The following ANO10 variants were observed in gnomAD, a reference collection of about 807,000 sequenced individuals.
The protein encoded by ANO10 is anoctamin 10, also known as anoctamin-10.
In ANO10, 77 loss-of-function variants were observed where a neutral mutation model predicts 74.7. The observed-to-expected ratio is 1.03, with a 90% CI of 0.86 to 1.25. The LOEUF (loss-of-function observed/expected upper bound fraction) is 1.25, where lower values mean the gene tolerates loss of function less well. Ranked by LOEUF, ANO10 falls within the 50% of genes most tolerant of loss-of-function variation. The pLI, the probability that ANO10 is intolerant of heterozygous loss-of-function variation, is 0.00. For missense variants in ANO10, 721 were observed against 778.1 expected, an observed-to-expected ratio of 0.93 and a Z score of 0.87; for synonymous variants, 279 against 284.9, an observed-to-expected ratio of 0.98 and a Z score of 0.21.
chr3:43,625,395 G>T (rs2083482395), upstream of ANO10, among the ~76,000 whole-genome samples: 1 of 152,156 alleles, frequency 6.6e-6, no homozygotes, highest in Non-Finnish European at 1.5e-5. Context: ...CTTTCTTCAG[G>T]CTTTGAGTTC....
At chr3:43,390,583 C>T (rs1376373396) in intron 12 of ANO10, among the ~76,000 whole-genome samples, 1 of 152,212 alleles carries the variant, frequency 6.6e-6, no homozygotes, top group African/African-American at 2.4e-5. Context: ...GGGCTGCACC[C>T]CATGAGCAGA....
chr3:43,648,419 G>A (rs542669289), intron 1 of ANO10, among the ~76,000 whole-genome samples: 2 of 152,254 alleles, frequency 1.3e-5, no homozygotes, highest in Admixed American at 6.5e-5. Context: ...AGAAAGTAGA[G>A]GAATAAAATA....
chr3:43,453,240 G>A (rs984983006), intron 11 of ANO10, among the ~76,000 whole-genome samples: 5 of 147,850 alleles, frequency 3.4e-5, no homozygotes, highest in Admixed American at 2.0e-4. Flanking sequence ...GTGCAGTGGC[G>A]TGATCTTGGC....
rs1041125709 is a variant in ANO10 at position 43,433,363 on chromosome 3, C to T, written c.1798-636G>A. 3.9e-5 allele frequency among the ~76,000 whole-genome samples: 6 copies of T among 152,058 alleles called. No individual in the cohort carries two copies. In the East Asian group the frequency reaches 9.6e-4, roughly 24 times the overall value. Reference sequence around the variant, plus strand: ...TCTTCCACAAACTCTTTTCTAGAAACGCATCTTAGTATACAATATTTGTTG... The same window carrying T: ...TCTTCCACAAACTCTTTTCTAGAAATGCATCTTAGTATACAATATTTGTTG... On this transcript the variant is annotated intron_variant, in intron 11 of 12. Coordinates refer to ENST00000292246, the MANE Select transcript of ANO10 (RefSeq NM_018075.5).
chr3:43,454,061 G>C (rs2075014673), intron 11 of ANO10, among the ~76,000 whole-genome samples: 2 of 152,188 alleles, frequency 1.3e-5, no homozygotes, highest in Admixed American at 6.5e-5. Flanking sequence ...ATGTAGACAG[G>C]ATAGCCAGGG....
chr3:43,552,586 CT>C (rs2079517674), intron 10 of ANO10, among the ~76,000 whole-genome samples: 1 of 151,256 alleles, frequency 6.6e-6, no homozygotes, highest in Non-Finnish European at 1.5e-5. Flanking sequence ...GTTAAGAGAA[CT>C]TCCTATAGCT....
intron 1 of ANO10, among the ~76,000 whole-genome samples, chr3:43,680,972 A>T (rs1166088864): frequency 6.6e-6 from 1 of 152,236 alleles, no homozygotes; most frequent in African/African-American, 2.4e-5. Flanking sequence ...CGCTGCAAAA[A>T]CATGCCAAAT....
rs559662869 is a variant in ANO10, at chr3:43,584,305, A to T, written c.473-3833T>A. Among the ~76,000 whole-genome samples, 6 of 152,302 alleles carry T rather than the reference A, an allele frequency of 3.9e-5. No homozygotes were observed. The South Asian group carries it at 1.0e-3, about 26-fold the overall frequency. ...TAGCCCAAGGTAAACATCCAGAGTG[A>T]CTCAGCAAGTTTAGAGCACAGGCAT... On this transcript the variant is annotated intron_variant, in intron 4 of 12. Transcript: ENST00000292246.
rs149870507 is a variant in ANO10, at chr3:43,485,170, G to C, written c.1798-52443C>G. 541 of 725,728 alleles carry C rather than the reference G, an allele frequency of 7.5e-4. 4 individuals carry two copies. The African/African-American group carries it at 8.2e-3, about 11-fold the overall frequency. 45.0% of individuals were successfully genotyped at this position (725,728 alleles called of 1,614,324 possible). On this transcript the variant is annotated intron_variant, in intron 11 of 12. Transcript: ENST00000292246. ...GAGTGGGCCCTGGCGCGGTAGCACT[G>C]GGTGACAGCGCCTGCGGTGGTCAGG... is the stretch of plus-strand genomic sequence containing the variant.
At chr3:43,445,053 G>A (rs1358949990) in intron 11 of ANO10, among the ~76,000 whole-genome samples, 5 of 149,286 alleles carry the variant, frequency 3.3e-5, no homozygotes, top group African/African-American at 4.9e-5. Context: ...AACCCGGGAG[G>A]AGGAGCTTGC....
chr3:43,598,777 G>C (rs983696371), intron 3 of ANO10, 111 bp from the exon 4 acceptor site: 1 of 830,950 alleles, frequency 1.2e-6, no homozygotes, highest in Non-Finnish European at 1.8e-6. Context: ...AACATAAGAA[G>C]TAATCAAAGT....
At chr3:43,395,794 A>G (rs2092366967) in intron 12 of ANO10, among the ~76,000 whole-genome samples, 1 of 151,384 alleles carries the variant, frequency 6.6e-6, no homozygotes, top group Non-Finnish European at 1.5e-5. Flanking sequence ...GCCTACTTAG[A>G]TTCTTATTGG....
intron 1 of ANO10, among the ~76,000 whole-genome samples, chr3:43,669,914 C>T (rs566929024): frequency 6.6e-5 from 10 of 152,078 alleles, no homozygotes; most frequent in Admixed American, 3.9e-4. Context: ...TTAGTAGAGA[C>T]GGGGTTTCAC....
intron 10 of ANO10, among the ~76,000 whole-genome samples, chr3:43,554,316 C>T (rs79727788): frequency 0.024 from 3,575 of 151,858 alleles, 141 homozygotes; most frequent in African/African-American, 0.081. Flanking sequence ...GCCTCAGCCT[C>T]CTGAGTAGCT....
At chr3:43,598,327 C>T (rs923841670) in intron 4 of ANO10, among the ~76,000 whole-genome samples, 1 of 151,950 alleles carries the variant, frequency 6.6e-6, no homozygotes, top group African/African-American at 2.4e-5. Flanking sequence ...TGGTATGAGA[C>T]CTTGATAAAT....
intron 11 of ANO10, among the ~76,000 whole-genome samples, chr3:43,546,515 C>T (rs1159846903): frequency 1.3e-5 from 2 of 152,016 alleles, no homozygotes. Flanking sequence ...GCCAAGACCA[C>T]GCATTAGAGA....
rs1371889013 is a variant in ANO10, at chr3:43,642,741, A to G, written c.-11-36878T>C. Among the ~76,000 whole-genome samples, 17 of 152,156 alleles carry G rather than the reference A, an allele frequency of 1.1e-4. No homozygotes were observed. The East Asian group carries it at 3.3e-3, about 29-fold the overall frequency. ...TGCAAATATAGGCGAATACCTAAATATATTCTTATTCCTCCTTTTTCCCCC... is the reference window on the plus strand; with the variant it reads ...TGCAAATATAGGCGAATACCTAAATGTATTCTTATTCCTCCTTTTTCCCCC... On this transcript the variant is annotated intron_variant, in intron 1 of 3. Coordinates refer to the ANO10 transcript ENST00000413397.
chr3:43,406,114 A>G (rs1338328197), intron 12 of ANO10, among the ~76,000 whole-genome samples: 1 of 152,188 alleles, frequency 6.6e-6, no homozygotes, highest in Non-Finnish European at 1.5e-5. Context: ...CATGTCCACA[A>G]TTCACAGTTC....
intron 11 of ANO10, among the ~76,000 whole-genome samples, chr3:43,494,368 G>A (rs1414329335): frequency 3.3e-5 from 5 of 152,272 alleles, no homozygotes; most frequent in African/African-American, 1.2e-4. Context: ...CAGGAGAATT[G>A]CTTGAACCCA....
Sources: gnomAD v4.1 joint callset for allele counts (sites outside exome capture counted in the v4.1 genomes callset) on GRCh38, gnomAD v4.1.1 for gene constraint, MANE v1.5 for transcripts, NCBI Gene and HGNC (gene_info 2026-07-23, HGNC 2026-07-21) for gene names.